Variants in OR1J2 observed in about 807,000 individuals in gnomAD.
OR1J2 encodes the protein olfactory receptor family 1 subfamily J member 2.
For missense variants in OR1J2, 304 were observed against 246.1 expected (o/e 1.24, Z -1.57); for synonymous variants, 142 against 99.7 (o/e 1.42, Z -2.52).
At chr9:122,467,614 C>T in the OR1J2 span, among the ~76,000 whole-genome samples, 1 of 152,210 alleles carries the variant, frequency 6.6e-6, no homozygotes, top group South Asian at 2.1e-4. Flanking sequence ...CCAGATTAAC[C>T]TATTAAAACC....
At chr9:122,565,799 T>A in the OR1J2 span, among the ~76,000 whole-genome samples, 1 of 152,266 alleles carries the variant, frequency 6.6e-6, no homozygotes, top group African/African-American at 2.4e-5. Flanking sequence ...TCTTTGCTTT[T>A]GATTTCAACT....
the OR1J2 span, among the ~76,000 whole-genome samples, chr9:122,460,325 A>G: frequency 6.6e-6 from 1 of 152,048 alleles, no homozygotes; most frequent in Non-Finnish European, 1.5e-5. Flanking sequence ...TCATTTTTCT[A>G]CATGTGGCTT....
the OR1J2 span, among the ~76,000 whole-genome samples, chr9:122,481,715 C>T: frequency 2.6e-5 from 4 of 151,906 alleles, no homozygotes; most frequent in Admixed American, 6.6e-5. Context: ...GGCAAGTATA[C>T]GAAGAAAAGG....
At chr9:122,564,912 A>G in the OR1J2 span, among the ~76,000 whole-genome samples, 1 of 152,212 alleles carries the variant, frequency 6.6e-6, no homozygotes, top group Admixed American at 6.5e-5. Flanking sequence ...TCCTTCCACA[A>G]GATGCCACAC....
the OR1J2 span, among the ~76,000 whole-genome samples, chr9:122,491,310 G>T: frequency 1.3e-5 from 2 of 152,074 alleles, no homozygotes. Flanking sequence ...GTAGGCAGGT[G>T]GATATATTTT....
rs1295397425 is a variant in OR1J2, at chr9:122,511,365, C to G, written c.564C>G (p.Ser188=). 1.3e-6 allele frequency: 1 copy of G among 741,084 alleles called. No individual in the cohort carries two copies. The highest frequency in any genetic ancestry group is 2.5e-6 in the Non-Finnish European group (1 of 398,830). 45.9% of individuals were successfully genotyped at this position (741,084 alleles called of 1,614,324 possible). Residue 188 remains serine, a synonymous_variant, in exon 1 of 1, where the codon TCC becomes TCG. Coordinates refer to ENST00000335302, the MANE Select transcript of OR1J2 (RefSeq NM_054107.1). ...ACCTTGCTGCCCTGCTCAAGCTGTC[C>G]TGCTCAGATATCTTCCTCAATGAGC... ...FCDLAALLKL[S]CSDIFLNELV...
At chr9:122,555,803 A>T in the OR1J2 span, among the ~76,000 whole-genome samples, 1 of 152,194 alleles carries the variant, frequency 6.6e-6, no homozygotes, top group African/African-American at 2.4e-5. Flanking sequence ...ATGCCCCAAC[A>T]CACGCACAAT....
the OR1J2 span, among the ~76,000 whole-genome samples, chr9:122,520,468 A>G: frequency 3.3e-5 from 5 of 152,058 alleles, no homozygotes; most frequent in East Asian, 1.9e-4. Context: ...CTCTTCTCAC[A>G]TTTTTTATTG....
the OR1J2 span, chr9:122,519,987 C>T: frequency 6.2e-7 from 1 of 1,614,124 alleles, no homozygotes; most frequent in Admixed American, 1.7e-5. Context: ...GGTGATCACC[C>T]CATTGCTGAA....
the OR1J2 span, among the ~76,000 whole-genome samples, chr9:122,524,300 C>T: frequency 6.6e-6 from 1 of 152,174 alleles, no homozygotes; most frequent in Admixed American, 6.5e-5. Context: ...TGTAAGTGTA[C>T]TTTATGATGT....
At chr9:122,558,631 G>C in the OR1J2 span, among the ~76,000 whole-genome samples, 4 of 151,598 alleles carry the variant, frequency 2.6e-5, no homozygotes, top group Admixed American at 6.6e-5. Context: ...CATTGGGAAG[G>C]TTGGTCCAAA....
At chr9:122,578,792 T>C in the OR1J2 span, among the ~76,000 whole-genome samples, 738 of 152,126 alleles carry the variant, frequency 4.9e-3, 8 homozygotes, top group African/African-American at 0.016. Context: ...ACAATGAACT[T>C]TGGGGACTCG....
chr9:122,455,169 T>G, the OR1J2 span, among the ~76,000 whole-genome samples: 1 of 152,248 alleles, frequency 6.6e-6, no homozygotes, highest in African/African-American at 2.4e-5. Flanking sequence ...TTAGTAGTGC[T>G]GGTACGAACA....
chr9:122,567,911 G>T, the OR1J2 span: 1 of 1,614,040 alleles, frequency 6.2e-7, no homozygotes, highest in Non-Finnish European at 8.5e-7. Flanking sequence ...TGGAAGAGCA[G>T]GACAATTTCA....
At chr9:122,464,289 C>A in the OR1J2 span, among the ~76,000 whole-genome samples, 2 of 152,242 alleles carry the variant, frequency 1.3e-5, no homozygotes, top group Non-Finnish European at 2.9e-5. Context: ...TGGTCTCACT[C>A]CCAAGGTGCT....
In OR1J2 at chr9:122,511,296, G is replaced by T; in HGVS notation, c.495G>T (p.Arg165=). 1.4e-6 allele frequency: 1 copy of T among 734,010 alleles called. No homozygotes were observed. The highest frequency in any genetic ancestry group is 1.5e-5 in the South Asian group (1 of 65,150). The allele number at this position is 734,010 out of a possible 1,614,324, so 45.5% of individuals were successfully genotyped here. ...TCTCTCACACCCTTCTCCTGACCCG[G>T]CTGTCTTTCTGTGCTGCGAACACCA... ...SSLSHTLLLT[R]LSFCAANTIP... The change falls in exon 1 of 1, where the codon CGG becomes CGT. Residue 165 remains arginine, a synonymous_variant. Transcript: ENST00000335302.
the OR1J2 span, among the ~76,000 whole-genome samples, chr9:122,535,190 G>A: frequency 6.6e-6 from 1 of 151,976 alleles, no homozygotes; most frequent in Non-Finnish European, 1.5e-5. Context: ...TGGAAATAAA[G>A]GGTCGGGGTG....
downstream of OR1J2, among the ~76,000 whole-genome samples, chr9:122,513,717 G>T (rs1828667043): frequency 6.6e-6 from 1 of 151,686 alleles, no homozygotes; most frequent in Admixed American, 6.6e-5. Context: ...GACAGGCCCT[G>T]GTGTGTGATG....
In OR1J2 at chr9:122,511,608, C is replaced by T. The variant is rs778436269; in HGVS notation, c.807C>T (p.Asp269=). The change falls in exon 1 of 1, where the codon GAC becomes GAT. Residue 269 remains aspartate, a synonymous_variant. Coordinates refer to ENST00000335302, the MANE Select transcript of OR1J2 (RefSeq NM_054107.1). ...YLFPTVSSSI[D]KDVIVALMYT... ...TCCCGACTGTAAGCAGTTCTATTGA[C>T]AAGGATGTCATTGTGGCTCTCATGT... is the stretch of plus-strand genomic sequence containing the variant. The T allele has an allele frequency of 1.0e-5, 8 of 781,062 alleles. No homozygotes were observed. In the South Asian group the frequency reaches 1.1e-4, roughly 10 times the overall value. 48.4% of individuals were successfully genotyped at this position (781,062 alleles called of 1,614,324 possible).
Sources: gnomAD v4.1 joint callset for allele counts (sites outside exome capture counted in the v4.1 genomes callset) on GRCh38, gnomAD v4.1.1 for gene constraint, MANE v1.5 for transcripts, NCBI Gene and HGNC (gene_info 2026-07-23, HGNC 2026-07-21) for gene names.